SMCO4: variants seen among roughly 807,000 people sequenced by gnomAD.
SMCO4 encodes single-pass membrane protein with coiled-coil domains 4.
SMCO4 carries 4 observed loss-of-function variants against 3.6 expected under a neutral mutation model. The ratio of observed to expected loss-of-function variants is 1.11; its 90% confidence interval spans 0.54 to 2.53. SMCO4 has a LOEUF of 2.53. Ranked by LOEUF, SMCO4 falls within the 30% of genes most tolerant of loss-of-function variation. SMCO4 has a pLI of 0.02. For synonymous variants in SMCO4, 36 were observed against 35.3 expected (o/e 1.02, Z -0.07); for missense variants, 70 against 80.8 (o/e 0.87, Z 0.51).
At chr11:93,546,640 GAACTGGGATGACC>G (rs1949317479), upstream of SMCO4, among the ~76,000 whole-genome samples, 1 of 152,332 alleles carries the variant, frequency 6.6e-6, no homozygotes, top group African/African-American at 2.4e-5. Context: ...GCTCAGAGCA[GAACTGGGATGACC>G]AATTCACAGT....
intron 1 of SMCO4, among the ~76,000 whole-genome samples, chr11:93,514,971 G>A (rs2605621): frequency 0.32 from 47,976 of 151,900 alleles, 7,987 homozygotes; most frequent in East Asian, 0.56. Context: ...TCAAACCCAA[G>A]GCTACTTAAC....
At chr11:93,482,803 T>A (rs1165380294) in intron 2 of SMCO4, among the ~76,000 whole-genome samples, 1 of 152,214 alleles carries the variant, frequency 6.6e-6, no homozygotes, top group Non-Finnish European at 1.5e-5. Context: ...TCCGGTAGCT[T>A]GTGATGACGG....
rs547546469 is a variant in SMCO4 at position 93,535,476 on chromosome 11, T to C, written c.-154+7800A>G. The C allele has an allele frequency of 5.0e-5, 70 of 1,403,878 alleles. 1 individual carries two copies. In the South Asian group the frequency reaches 7.8e-4, roughly 16 times the overall value. The allele number at this position is 1,403,878 out of a possible 1,614,324, so 87.0% of individuals were successfully genotyped here. A position where few individuals can be genotyped will look rare whatever the true frequency, so the allele number is the denominator to read the frequency against. On this transcript the variant is annotated intron_variant, in intron 1 of 2. Transcript: ENST00000298966. The stretch of plus-strand genomic sequence containing the variant: ...CGAGCCAGAGTCGCCGCGATGGTGT[T>C]GTTGGAGAGCGAGCAGCTCCTGACG...
the SMCO4 span, among the ~76,000 whole-genome samples, chr11:93,549,860 C>A: frequency 6.6e-6 from 1 of 152,148 alleles, no homozygotes; most frequent in African/African-American, 2.4e-5. Flanking sequence ...ATGTAAGTAT[C>A]AAGTGTTATA....
chr11:93,553,340 A>G, the SMCO4 span, among the ~76,000 whole-genome samples: 1 of 152,204 alleles, frequency 6.6e-6, no homozygotes, highest in Non-Finnish European at 1.5e-5. Context: ...AAAGGGGTCT[A>G]TGGCTGAAAA....
upstream of SMCO4, among the ~76,000 whole-genome samples, chr11:93,545,279 T>G (rs12289473): frequency 0.011 from 1,688 of 152,152 alleles, 23 homozygotes; most frequent in African/African-American, 0.028. Flanking sequence ...ATAACATAGA[T>G]ATTGTGTCTG....
chr11:93,534,375 T>TAGAGAGAGAGAGAGAGAGAG (rs1555079957), intron 1 of SMCO4, among the ~76,000 whole-genome samples: 1 of 142,132 alleles, frequency 7.0e-6, no homozygotes, highest in African/African-American at 2.6e-5. Context: ...TATATATATA[T>TAGAGAGAGAGAGAGAGAGAG]AGAGAGAGAG....
At chr11:93,506,977 T>C (rs976003237) in intron 1 of SMCO4, among the ~76,000 whole-genome samples, 3 of 152,222 alleles carry the variant, frequency 2.0e-5, no homozygotes, top group Admixed American at 2.0e-4. Context: ...AAAGAATGAC[T>C]GAGAAAAACT....
intron 1 of SMCO4, among the ~76,000 whole-genome samples, chr11:93,541,220 A>T (rs928271189): frequency 1.3e-5 from 2 of 152,220 alleles, no homozygotes; most frequent in African/African-American, 4.8e-5. Context: ...GCTTATGACC[A>T]GGAAGCTCTA....
At chr11:93,517,177 A>G (rs1259998732) in intron 1 of SMCO4, among the ~76,000 whole-genome samples, 1 of 152,210 alleles carries the variant, frequency 6.6e-6, no homozygotes, top group East Asian at 1.9e-4. Context: ...ATGCCGGCAC[A>G]TCTCCATCGA....
At chr11:93,479,409 T>G in intron 2 of SMCO4, 140 bp from the exon 3 acceptor site, 1 of 795,620 alleles carries the variant, frequency 1.3e-6, no homozygotes, top group Non-Finnish European at 1.8e-6. Flanking sequence ...CACCAGGCTC[T>G]AAGTTCTCTT....
intron 2 of SMCO4, among the ~76,000 whole-genome samples, chr11:93,485,330 A>T (rs956918493): frequency 1.3e-5 from 2 of 152,036 alleles, no homozygotes; most frequent in African/African-American, 2.4e-5. Context: ...ACCACACCCA[A>T]ATGACCCACT....
chr11:93,511,183 T>C lies in SMCO4; in HGVS notation c.-153-11835A>G, dbSNP rs147605654. Among the ~76,000 whole-genome samples the C allele has an allele frequency of 1.5e-3, 227 of 152,180 alleles. 5 individuals are homozygous for C. In the East Asian group the frequency reaches 0.035, roughly 23 times the overall value. On this transcript the variant is annotated intron_variant, in intron 1 of 2. Coordinates refer to ENST00000298966, the MANE Select transcript of SMCO4 (RefSeq NM_020179.3). Reference sequence around the variant, plus strand: ...CATGTCCAATTAAAAAAAAATGCTTTCTAGAAAGGTAAGACAGGAAGAAGA... The same window carrying C: ...CATGTCCAATTAAAAAAAAATGCTTCCTAGAAAGGTAAGACAGGAAGAAGA...
chr11:93,550,986 C>T, the SMCO4 span, among the ~76,000 whole-genome samples: 3 of 152,160 alleles, frequency 2.0e-5, no homozygotes, highest in Non-Finnish European at 4.4e-5. Flanking sequence ...GGAGCTTCAT[C>T]TTTATCAGAA....
intron 1 of SMCO4, among the ~76,000 whole-genome samples, chr11:93,513,376 C>A (rs1219111551): frequency 1.3e-5 from 2 of 152,212 alleles, no homozygotes; most frequent in Non-Finnish European, 2.9e-5. Flanking sequence ...GTAATTTACT[C>A]TAATGTCTCC....
intron 1 of SMCO4, among the ~76,000 whole-genome samples, chr11:93,501,979 C>T (rs1198308361): frequency 2.6e-5 from 4 of 151,954 alleles, no homozygotes; most frequent in African/African-American, 9.7e-5. Flanking sequence ...TGCACAGGAC[C>T]AGACTGCAAT....
At chr11:93,489,195 G>C (rs1016643553) in intron 2 of SMCO4, among the ~76,000 whole-genome samples, 1 of 152,204 alleles carries the variant, frequency 6.6e-6, no homozygotes, top group South Asian at 2.1e-4. Context: ...CCTCAGGCAG[G>C]TTACTTAATC....
At chr11:93,499,386 G>A (rs965857759) in intron 1 of SMCO4, 38 bp from the exon 2 acceptor site, 50 of 152,288 alleles carry the variant, frequency 3.3e-4, no homozygotes, top group African/African-American at 1.1e-3. Flanking sequence ...AATAGCTGCT[G>A]GGGAGGTATC....
Position 93,510,649 on chromosome 11 carries a change from G to A in SMCO4, c.-153-11301C>T, listed in dbSNP as rs145263016. On this transcript the variant is annotated intron_variant, in intron 1 of 2. Coordinates refer to ENST00000298966, the MANE Select transcript of SMCO4 (RefSeq NM_020179.3). ...AGCTGTCTCATGGCTGAATTGCAAAGAAGTGGTGTAGTCAGGTCCTCCACC... is the reference window on the plus strand; with the variant it reads ...AGCTGTCTCATGGCTGAATTGCAAAAAAGTGGTGTAGTCAGGTCCTCCACC... 2.1e-3 allele frequency among the ~76,000 whole-genome samples: 321 copies of A among 152,124 alleles called. 3 individuals are homozygous for A. Among genetic ancestry groups the A allele is most frequent in the African/African-American group, 7.4e-3 (309 of 41,490 alleles).
Sources: gnomAD v4.1 joint callset for allele counts (sites outside exome capture counted in the v4.1 genomes callset) on GRCh38, gnomAD v4.1.1 for gene constraint, MANE v1.5 for transcripts, NCBI Gene and HGNC (gene_info 2026-07-23, HGNC 2026-07-21) for gene names.